The following FREM3 variants were observed in gnomAD, a reference collection of about 807,000 sequenced individuals.
The protein encoded by FREM3 is FRAS1-related extracellular matrix protein 3.
Under a neutral mutation model 129.1 loss-of-function variants are expected in FREM3, and 105 were observed. The ratio of observed to expected loss-of-function variants is 0.81; its 90% CI spans 0.69 to 0.96. FREM3 has a LOEUF of 0.96. FREM3 is among the 40% of genes least tolerant of loss of function. The pLI, the probability that FREM3 is intolerant of heterozygous loss-of-function variation, is 0.00. For synonymous variants in FREM3, 1,014 were observed against 1,044.9 expected (o/e 0.97, Z 0.57); for missense variants, 2,593 against 2,666.3 (o/e 0.97, Z 0.61).
At chr4:143,645,625 T>G (rs1283645531) in intron 2 of FREM3, among the ~76,000 whole-genome samples, 1 of 152,238 alleles carries the variant, frequency 6.6e-6, no homozygotes, top group Non-Finnish European at 1.5e-5. Flanking sequence ...CCTGCAGATT[T>G]CAGACTCAAG....
Position 143,696,250 on chromosome 4 carries a change from A to G in FREM3, c.4426T>C (p.Ser1476Pro), listed in dbSNP as rs1439763775. The change falls in exon 1 of 8, where the codon TCT becomes CCT. Residue 1476 changes from serine to proline, a missense_variant. Ser to Pro is a moderately conservative substitution (Grantham distance 74). Around this residue, in one of 2 missense-constraint regions of FREM3, gnomAD observed 2,276 missense variants for 2,267.2 expected, o/e 1.00. Coordinates refer to ENST00000329798, the MANE Select transcript of FREM3 (RefSeq NM_001168235.2). ...RAPSLGHLES[S>P]DYAGEPIASF... ...GCAATGGGTTCCCCAGCATAGTCAG[A>G]ACTTTCTAAGTGACCCAGGCTTGGA... 6.5e-7 allele frequency: 1 copy of G among 1,537,866 alleles called. No homozygotes were observed. Among genetic ancestry groups the G allele is most frequent in the Admixed American group, 2.0e-5 (1 of 51,010 alleles).
chr4:143,638,204 A>G (rs560335925), intron 2 of FREM3, among the ~76,000 whole-genome samples: 1 of 152,174 alleles, frequency 6.6e-6, no homozygotes, highest in Non-Finnish European at 1.5e-5. Context: ...CTCAACAGGG[A>G]CACCACATTC....
At chr4:143,672,048 T>C (rs1442420043) in intron 2 of FREM3, among the ~76,000 whole-genome samples, 1 of 152,230 alleles carries the variant, frequency 6.6e-6, no homozygotes, top group Non-Finnish European at 1.5e-5. Context: ...CCATTGTCAC[T>C]GCAGAGTGAT....
chr4:143,602,779 T>A (rs1301300826), intron 6 of FREM3, among the ~76,000 whole-genome samples: 1 of 152,188 alleles, frequency 6.6e-6, no homozygotes, highest in African/African-American at 2.4e-5. Flanking sequence ...TTGTCCTGTA[T>A]TTAAAGGAAA....
At chr4:143,655,012 C>A (rs1739575267) in intron 2 of FREM3, among the ~76,000 whole-genome samples, 1 of 152,170 alleles carries the variant, frequency 6.6e-6, no homozygotes, top group Non-Finnish European at 1.5e-5. Flanking sequence ...GCTGTTCCCT[C>A]CATCCTCCAT....
chr4:143,605,431 C>A (rs904169961), intron 6 of FREM3, among the ~76,000 whole-genome samples: 1 of 152,102 alleles, frequency 6.6e-6, no homozygotes, highest in Non-Finnish European at 1.5e-5. Context: ...TTATTGTTCA[C>A]CTGATGGCTT....
intron 2 of FREM3, among the ~76,000 whole-genome samples, chr4:143,687,960 G>A (rs891455979): frequency 6.6e-6 from 1 of 152,106 alleles, no homozygotes; most frequent in African/African-American, 2.4e-5. Flanking sequence ...AACAAGACAA[G>A]GATGCCCACT....
At chr4:143,586,521 CT>C (rs1738247021) in intron 6 of FREM3, among the ~76,000 whole-genome samples, 1 of 152,040 alleles carries the variant, frequency 6.6e-6, no homozygotes, top group Non-Finnish European at 1.5e-5. Context: ...AGGAGAGATC[CT>C]GTTAGCTGAG....
intron 2 of FREM3, among the ~76,000 whole-genome samples, chr4:143,637,054 G>A (rs1426528624): frequency 6.6e-6 from 1 of 152,096 alleles, no homozygotes; most frequent in Non-Finnish European, 1.5e-5. Flanking sequence ...ACACCATAAT[G>A]TAGTTTTAAA....
chr4:143,655,046 G>C (rs990156977), intron 2 of FREM3, among the ~76,000 whole-genome samples: 3 of 152,136 alleles, frequency 2.0e-5, no homozygotes, highest in African/African-American at 7.2e-5. Context: ...GGCCCAGGCA[G>C]GTAAGTGAGG....
rs57897476 is a variant in FREM3 at position 143,679,476 on chromosome 4, A to G, written c.5275+13637T>C. ...TAAGATGATCAAAAGTAAATAGAAA[A>G]TATTTTTCTCATCTTTATATAATCA... On this transcript the variant is annotated intron_variant, in intron 2 of 7. Transcript: ENST00000329798. 9.2e-3 allele frequency among the ~76,000 whole-genome samples: 1,403 copies of G among 152,312 alleles called. 19 individuals carry two copies. Among genetic ancestry groups the G allele is most frequent in the African/African-American group, 0.032 (1,320 of 41,562 alleles).
At chr4:143,632,883 A>G (rs1486506756) in intron 2 of FREM3, among the ~76,000 whole-genome samples, 3 of 152,212 alleles carry the variant, frequency 2.0e-5, no homozygotes, top group Non-Finnish European at 2.9e-5. Context: ...ATTCAAAGCC[A>G]TCCTGGGCTG....
At chr4:143,633,323 G>A (rs773216811) in intron 2 of FREM3, among the ~76,000 whole-genome samples, 1 of 152,152 alleles carries the variant, frequency 6.6e-6, no homozygotes, top group Non-Finnish European at 1.5e-5. Context: ...GACTTAAATA[G>A]CAATGGTAGG....
chr4:143,622,883 T>C lies in FREM3; in HGVS notation c.5653+1225A>G, dbSNP rs755031929. On this transcript the variant is annotated intron_variant, in intron 4 of 7. Transcript: ENST00000329798. ...TTACTTGGGACCATGATGATCTATGTTCTTCTCCTTGAACTCTTAGTGTTT... is the reference window on the plus strand; with the variant it reads ...TTACTTGGGACCATGATGATCTATGCTCTTCTCCTTGAACTCTTAGTGTTT... 2.0e-5 allele frequency among the ~76,000 whole-genome samples: 3 copies of C among 152,104 alleles called. No individual in the cohort carries two copies. The East Asian group carries it at 5.8e-4, about 29-fold the overall frequency.
Position 143,696,136 on chromosome 4 carries a change from G to C in FREM3, c.4540C>G (p.Gln1514Glu). The C allele has an allele frequency of 6.5e-7, 1 of 1,537,584 alleles. No homozygotes were observed. The highest frequency in any genetic ancestry group is 8.7e-7 in the Non-Finnish European group (1 of 1,146,972). The stretch of plus-strand genomic sequence containing the variant: ...ACAGGGTAGAGTTCGCCGATCACTT[G>C]AAATTCGAAGCTGTCCATCTTTTTC... The part of the protein sequence containing the change: ...DEKKMDSFEF[Q>E]VIGELYPVFR... The change falls in exon 1 of 8, where the codon CAA (glutamine) becomes GAA (glutamate). Residue 1514 changes from glutamine (Q) to glutamate (E), a missense_variant. Around this residue, in one of 2 missense-constraint regions of FREM3, gnomAD observed 2,276 missense variants for 2,267.2 expected, o/e 1.00. Transcript: ENST00000329798.
At chr4:143,655,452 TG>T in intron 2 of FREM3, among the ~76,000 whole-genome samples, 1 of 152,172 alleles carries the variant, frequency 6.6e-6, no homozygotes, top group South Asian at 2.1e-4. Flanking sequence ...CTGTATTTAG[TG>T]GTTAATAAAA....
At chr4:143,664,589 T>G (rs1739815338) in intron 2 of FREM3, among the ~76,000 whole-genome samples, 2 of 152,142 alleles carry the variant, frequency 1.3e-5, no homozygotes, top group East Asian at 3.9e-4. Context: ...TCCAGCTGCA[T>G]GCTGGGACAA....
chr4:143,654,227 C>T lies in FREM3; in HGVS notation c.5276-26467G>A, dbSNP rs1375625299. 6.6e-5 allele frequency among the ~76,000 whole-genome samples: 10 copies of T among 152,244 alleles called. No individual in the cohort carries two copies. In the East Asian group the frequency reaches 9.7e-4, roughly 15 times the overall value. ...AAGTGATTCTCCTGCCTCAGCCTAC[C>T]GAGTAGCTGGGATTACAGGTTTGTG... On this transcript the variant is annotated intron_variant, in intron 2 of 7. Transcript: ENST00000329798.
intron 2 of FREM3, among the ~76,000 whole-genome samples, chr4:143,685,757 A>G (rs1740352896): frequency 6.6e-6 from 1 of 152,132 alleles, no homozygotes; most frequent in Non-Finnish European, 1.5e-5. Context: ...AACTAACACA[A>G]GAACAGAAAA....
Sources: allele counts gnomAD v4.1 joint callset (sites outside exome capture counted in the v4.1 genomes callset), GRCh38; gene constraint gnomAD v4.1.1; regional missense constraint gnomAD v4.1.1; transcripts MANE v1.5; gene names NCBI Gene and HGNC (gene_info 2026-07-23, HGNC 2026-07-21).